The following EXOSC7 variants were observed in gnomAD, a reference collection of about 807,000 sequenced individuals.
The protein encoded by EXOSC7 is exosome complex component RRP42.
EXOSC7 carries 25 observed loss-of-function variants against 34.3 expected under a neutral mutation model. The observed-to-expected ratio is 0.73, with a 90% confidence interval of 0.53 to 1.02. The LOEUF is 1.02. Ranked by LOEUF, EXOSC7 falls within the 50% of genes least tolerant of loss-of-function variation. EXOSC7 has a pLI of 0.00. For missense variants in EXOSC7, 370 were observed against 368.5 expected, an observed-to-expected ratio of 1.00 and a Z score of -0.03; for synonymous variants, 130 against 143.0, an observed-to-expected ratio of 0.91 and a Z score of 0.65.
intron 5 of EXOSC7, 44 bp downstream of exon 5, chr3:45,001,652 G>C (rs1706884125): frequency 7.2e-7 from 1 of 1,381,038 alleles, no homozygotes; most frequent in Non-Finnish European, 1.0e-6. Context: ...TGGAGAACCA[G>C]AGCAGACACT....
At chr3:44,997,641 C>T (rs766680850) in intron 4 of EXOSC7, among the ~76,000 whole-genome samples, 1 of 152,148 alleles carries the variant, frequency 6.6e-6, no homozygotes, top group Non-Finnish European at 1.5e-5. Flanking sequence ...TTCATTTAAA[C>T]CTTATAAACC....
chr3:44,977,748 T>G (rs991371809), intron 1 of EXOSC7, among the ~76,000 whole-genome samples: 1 of 152,222 alleles, frequency 6.6e-6, no homozygotes, highest in Non-Finnish European at 1.5e-5. Context: ...GGATAACCGT[T>G]TTCCTCTAAA....
intron 3 of EXOSC7, among the ~76,000 whole-genome samples, chr3:44,994,247 A>T (rs1706654260): frequency 9.2e-6 from 1 of 108,240 alleles, no homozygotes. Flanking sequence ...CTAAACATTA[A>T]AAAAAAAAAA....
chr3:44,984,262 G>A (rs1052119641), intron 1 of EXOSC7, among the ~76,000 whole-genome samples: 3 of 152,188 alleles, frequency 2.0e-5, no homozygotes, highest in African/African-American at 7.2e-5. Context: ...CTTGAGGCCA[G>A]GAGTTTGAGA....
At chr3:44,998,519 T>G (rs1363694895) in intron 4 of EXOSC7, among the ~76,000 whole-genome samples, 1 of 152,236 alleles carries the variant, frequency 6.6e-6, no homozygotes, top group Non-Finnish European at 1.5e-5. Flanking sequence ...CCAAATAGAT[T>G]CTTTAATGAA....
Position 44,989,617 on chromosome 3 carries a change from A to G in EXOSC7, c.227A>G (p.Glu76Gly), listed in dbSNP as rs770924734. 2 of 1,613,838 alleles carry G rather than the reference A, an allele frequency of 1.2e-6. No homozygotes were observed. The highest frequency in any genetic ancestry group is 1.7e-6 in the Non-Finnish European group (2 of 1,179,762). Residue 76 changes from glutamate (E) to glycine (G), a missense_variant, in exon 3 of 8, where the codon GAA becomes GGA. Glu to Gly is a moderately conservative substitution (Grantham distance 98). This residue lies in a region of EXOSC7 where 20 missense variants were observed against 42.2 expected (regional missense o/e 0.47). Transcript: ENST00000265564. Reference protein sequence around the residue: ...MGTPKLEKPNEGYLEFFVDCS... With the variant: ...MGTPKLEKPNGGYLEFFVDCS... ...ACGCCGAAGCTGGAGAAACCAAATGAAGGCTACTTGGAGTTCTTTGTTGAC... is the reference window on the plus strand; with the variant it reads ...ACGCCGAAGCTGGAGAAACCAAATGGAGGCTACTTGGAGTTCTTTGTTGAC...
chr3:45,005,325 G>A lies in EXOSC7; in HGVS notation c.526G>A (p.Gly176Arg). 6.2e-7 allele frequency: 1 copy of A among 1,614,092 alleles called. No homozygotes were observed. Residue 176 changes from glycine (G) to arginine (R), a missense_variant, in exon 6 of 8, where the codon GGG becomes AGG. Coordinates refer to ENST00000265564, the MANE Select transcript of EXOSC7 (RefSeq NM_015004.4). ...GGTTCGAGTTTTGGAGGATGAAGAG[G>A]GGTCGAAGGACATTGAATTGTCAGA... ...PRVRVLEDEEGSKDIELSDDP... is the reference protein window; with the variant it reads ...PRVRVLEDEERSKDIELSDDP...
intron 1 of EXOSC7, among the ~76,000 whole-genome samples, chr3:44,987,992 G>A (rs1484998503): frequency 6.6e-6 from 1 of 152,118 alleles, no homozygotes; most frequent in Admixed American, 6.5e-5. Context: ...TGGTGGGGGT[G>A]GTTAGTATAC....
chr3:44,984,139 G>C (rs1326058428), intron 1 of EXOSC7, among the ~76,000 whole-genome samples: 6 of 152,120 alleles, frequency 3.9e-5, no homozygotes, highest in Non-Finnish European at 7.4e-5. Flanking sequence ...TCACTACAAA[G>C]AGGTGTGACT....
intron 6 of EXOSC7, among the ~76,000 whole-genome samples, chr3:45,006,641 C>T (rs1707053794): frequency 6.6e-6 from 1 of 150,954 alleles, no homozygotes; most frequent in Non-Finnish European, 1.5e-5. Flanking sequence ...TGGTCTCGAT[C>T]TCCTGACCTC....
At chr3:45,005,742 C>G (rs745464084) in intron 6 of EXOSC7, among the ~76,000 whole-genome samples, 10 of 152,134 alleles carry the variant, frequency 6.6e-5, no homozygotes, top group Non-Finnish European at 1.5e-4. Flanking sequence ...TCTATGGGGT[C>G]TAGGGTGGTT....
At chr3:45,002,578 G>T (rs1023785490) in intron 5 of EXOSC7, among the ~76,000 whole-genome samples, 2 of 152,098 alleles carry the variant, frequency 1.3e-5, no homozygotes, top group Admixed American at 6.5e-5. Context: ...TTGGTTTGTT[G>T]TATTTTACTT....
intron 4 of EXOSC7, among the ~76,000 whole-genome samples, chr3:44,998,039 G>GTT (rs538691693): frequency 1.5e-5 from 2 of 134,674 alleles, no homozygotes; most frequent in Admixed American, 7.5e-5. Context: ...TTGTTTTTTT[G>GTT]TTTTTTTTTT....
At chr3:44,986,627 G>C (rs188940290) in intron 1 of EXOSC7, among the ~76,000 whole-genome samples, 129 of 152,370 alleles carry the variant, frequency 8.5e-4, no homozygotes, top group African/African-American at 3.0e-3. Context: ...AGCAAGCGAG[G>C]GCTGTGAGGG....
Position 44,982,260 on chromosome 3 carries a change from G to A in EXOSC7, c.57+5926G>A, listed in dbSNP as rs563731030. ...TCAGTTTGGTCTGGTAGTATTTCACGCCAAAAAGAGTTGGTCACCCTTTGG... is the reference window on the plus strand; with the variant it reads ...TCAGTTTGGTCTGGTAGTATTTCACACCAAAAAGAGTTGGTCACCCTTTGG... On this transcript the variant is annotated intron_variant, in intron 1 of 7. Transcript: ENST00000265564. Among the ~76,000 whole-genome samples, 28 of 152,290 alleles carry A rather than the reference G, an allele frequency of 1.8e-4. No homozygotes were observed. In the South Asian group the frequency reaches 2.7e-3, roughly 15 times the overall value.
chr3:45,005,064 G>T (rs765070072), intron 5 of EXOSC7: 2 of 496,476 alleles, frequency 4.0e-6, no homozygotes, highest in Non-Finnish European at 7.2e-6. Context: ...TTTCCATTGG[G>T]ATATCTGATT....
chr3:44,988,826 T>C (rs538232919), intron 1 of EXOSC7, among the ~76,000 whole-genome samples: 1 of 152,338 alleles, frequency 6.6e-6, no homozygotes, highest in East Asian at 1.9e-4. Flanking sequence ...TGTTCAGATC[T>C]TGTTTTTGTG....
At chr3:44,985,192 A>G (rs1387782279) in intron 1 of EXOSC7, among the ~76,000 whole-genome samples, 2 of 152,228 alleles carry the variant, frequency 1.3e-5, no homozygotes, top group East Asian at 3.8e-4. Context: ...GGGAAGAGAC[A>G]CAGTTACATA....
At chr3:45,011,681 C>G (rs73833105), downstream of EXOSC7, among the ~76,000 whole-genome samples, 1,082 of 152,288 alleles carry the variant, frequency 7.1e-3, 12 homozygotes, top group African/African-American at 0.025. Context: ...CCTTGAAGAA[C>G]TTTAAAAATA....
Sources: gnomAD v4.1 joint callset for allele counts (sites outside exome capture counted in the v4.1 genomes callset) on GRCh38, gnomAD v4.1.1 for gene constraint, gnomAD v4.1.1 regional missense constraint, MANE v1.5 for transcripts, NCBI Gene and HGNC (gene_info 2026-07-23, HGNC 2026-07-21) for gene names.